The following SMC6 variants were observed in gnomAD, a reference collection of about 807,000 sequenced individuals.
SMC6 encodes the protein structural maintenance of chromosomes protein 6.
A neutral mutation model predicts 142.2 loss-of-function variants in SMC6; 79 were observed. That is an observed-to-expected ratio of 0.56 (90% CI 0.46 to 0.67). The LOEUF (loss-of-function observed/expected upper bound fraction) is 0.67, where lower values mean the gene tolerates loss of function less well. SMC6 is among the 30% of genes least tolerant of loss of function. The probability of loss-of-function intolerance (pLI) is 0.00; values close to 1 mark genes in which losing one functional copy is unlikely to be tolerated. For synonymous variants in SMC6, 411 were observed against 412.4 expected, an observed-to-expected ratio of 1.00 and a Z score of 0.04; for missense variants, 1,072 against 1,284.0, an observed-to-expected ratio of 0.83 and a Z score of 2.52.
chr2:17,733,407 A>G (rs1223258322), intron 5 of SMC6, among the ~76,000 whole-genome samples: 1 of 152,244 alleles, frequency 6.6e-6, no homozygotes, highest in Non-Finnish European at 1.5e-5. Context: ...TAAAAAATCA[A>G]ACTAAGAAAA....
chr2:17,665,968 G>C (rs1385759925), intron 27 of SMC6, among the ~76,000 whole-genome samples: 2 of 152,166 alleles, frequency 1.3e-5, no homozygotes, highest in Admixed American at 6.5e-5. Flanking sequence ...CCACTTTAGA[G>C]ACAGAATATT....
At chr2:17,706,848 G>C (rs146561833) in intron 18 of SMC6, among the ~76,000 whole-genome samples, 5 of 152,268 alleles carry the variant, frequency 3.3e-5, no homozygotes, top group African/African-American at 9.6e-5. Flanking sequence ...GCTTGAGCCA[G>C]AATGTAAACC....
rs142590630 is a variant in SMC6 at position 17,731,123 on chromosome 2, C to T, written c.498G>A (p.Thr166=). 12 of 1,612,016 alleles carry T rather than the reference C, an allele frequency of 7.4e-6. No homozygotes were observed. Among genetic ancestry groups the T allele is most frequent in the East Asian group, 6.7e-5 (3 of 44,794 alleles). ...GAATTGCAATCAGCTCTTCTTTCCTCGTGGAAACCACGGAGCCTAGTTATA... is the reference window on the plus strand; with the variant it reads ...GAATTGCAATCAGCTCTTCTTTCCTTGTGGAAACCACGGAGCCTAGTTATA... ...LKSATGSVVS[T]RKEELIAILD... is the part of the protein sequence containing the mutation. The change falls in exon 7 of 28, where the codon ACG becomes ACA. Residue 166 remains threonine, a synonymous_variant. Coordinates refer to ENST00000448223, the MANE Select transcript of SMC6 (RefSeq NM_001142286.2).
chr2:17,719,794 C>T (rs751291403), intron 11 of SMC6, among the ~76,000 whole-genome samples: 4 of 152,232 alleles, frequency 2.6e-5, no homozygotes, highest in Admixed American at 6.5e-5. Flanking sequence ...GCTAAGTGTC[C>T]TATCTTTACC....
In SMC6 at chr2:17,716,886, G is replaced by A. The variant is rs1669114766; in HGVS notation, c.1201C>T (p.Pro401Ser). The A allele has an allele frequency of 2.5e-6, 4 of 1,609,762 alleles. No homozygotes were observed. Among genetic ancestry groups the A allele is most frequent in the Non-Finnish European group, 3.4e-6 (4 of 1,178,894 alleles). Residue 401 changes from proline (P) to serine (S), a missense_variant, in exon 14 of 28, where the codon CCT becomes TCT. Around this residue, in one of 3 missense-constraint regions of SMC6, gnomAD observed 994 missense variants for 1,153.2 expected, o/e 0.86. Transcript: ENST00000448223. Reference sequence around the variant, plus strand: ...TTTTTTTGTCTTTCCAACCGTTCAGGTTCCAAAGATTGGTCAGTACTAACA... The same window carrying A: ...TTTTTTTGTCTTTCCAACCGTTCAGATTCCAAAGATTGGTCAGTACTAACA... ...LKKSTDQSLE[P>S]ERLERQKKIS...
intron 17 of SMC6, 41 bp downstream of exon 17, chr2:17,708,598 T>A (rs1572302647): frequency 9.1e-7 from 1 of 1,096,736 alleles, no homozygotes; most frequent in Non-Finnish European, 1.2e-6. Flanking sequence ...TTTAAAAATT[T>A]AACAATAACA....
chr2:17,714,401 A>G, intron 16 of SMC6, among the ~76,000 whole-genome samples: 1 of 151,978 alleles, frequency 6.6e-6, no homozygotes, highest in East Asian at 1.9e-4. Flanking sequence ...GCCTACATTC[A>G]TTTTTAAAGT....
intron 5 of SMC6, among the ~76,000 whole-genome samples, chr2:17,735,935 C>A (rs1290405060): frequency 6.6e-6 from 1 of 152,122 alleles, no homozygotes; most frequent in African/African-American, 2.4e-5. Flanking sequence ...GGGATAGAGT[C>A]CTTAGAACTA....
Position 17,716,241 on chromosome 2 carries a change from T to A in SMC6, c.1370A>T (p.His457Leu), listed in dbSNP as rs560144562. 4 of 1,609,658 alleles carry A rather than the reference T, an allele frequency of 2.5e-6. No individual in the cohort carries two copies. Among genetic ancestry groups the A allele is most frequent in the Non-Finnish European group, 3.4e-6 (4 of 1,178,814 alleles). Residue 457 changes from histidine (H) to leucine (L), a missense_variant, in exon 15 of 28, where the codon CAT becomes CTT. By Grantham distance (99) the His-to-Leu change is moderately conservative. This residue lies in a region of SMC6 where 994 missense variants were observed against 1,153.2 expected (regional missense o/e 0.86). Coordinates refer to ENST00000448223, the MANE Select transcript of SMC6 (RefSeq NM_001142286.2). ...KIKREELDVK[H>L]ALSYNQRQLK... ...TTGCCTCTGATTGTAGCTCAGTGCA[T>A]GCTTCACATCTAATTCTTCTCTCCT... is the stretch of plus-strand genomic sequence containing the variant.
chr2:17,689,494 T>C (rs1200412230), intron 23 of SMC6, among the ~76,000 whole-genome samples: 1 of 152,210 alleles, frequency 6.6e-6, no homozygotes, highest in Non-Finnish European at 1.5e-5. Flanking sequence ...TAAAGGGTCA[T>C]GATTTATGAA....
chr2:17,748,872 C>T lies in SMC6; in HGVS notation c.-5-2921G>A, dbSNP rs1346692469. Among the ~76,000 whole-genome samples, 5 of 152,296 alleles carry T rather than the reference C, an allele frequency of 3.3e-5. No individual in the cohort carries two copies. The South Asian group carries it at 8.3e-4, about 25-fold the overall frequency. ...ATAACGCACTAGGGAAAATGTGATA[C>T]GCTTCTCACAAGGAATGTGAGATTC... On this transcript the variant is annotated intron_variant, in intron 2 of 27. Transcript: ENST00000448223.
intron 23 of SMC6, among the ~76,000 whole-genome samples, chr2:17,686,157 A>G (rs534836544): frequency 3.9e-4 from 59 of 152,254 alleles, no homozygotes; most frequent in Non-Finnish European, 4.4e-4. Flanking sequence ...CCTTTCTCAT[A>G]CAGGTTGAGC....
chr2:17,666,328 T>C (rs1666495352), intron 27 of SMC6, 92 bp downstream of exon 27: 4 of 872,864 alleles, frequency 4.6e-6, no homozygotes, highest in Non-Finnish European at 7.2e-6. Flanking sequence ...ATTGGTCTTG[T>C]ATGTATTTGT....
Position 17,728,226 on chromosome 2 carries a change from A to G in SMC6, c.544-1757T>C, listed in dbSNP as rs567132922. On this transcript the variant is annotated intron_variant, in intron 7 of 27. Coordinates refer to ENST00000448223, the MANE Select transcript of SMC6 (RefSeq NM_001142286.2). Reference sequence around the variant, plus strand: ...TGAGGCAGGTGGACTGCTTGAGTCCAGGAGTTCAAGACCAGCCTAGGCAAC... The same window carrying G: ...TGAGGCAGGTGGACTGCTTGAGTCCGGGAGTTCAAGACCAGCCTAGGCAAC... Among the ~76,000 whole-genome samples, 7 of 152,286 alleles carry G rather than the reference A, an allele frequency of 4.6e-5. No homozygotes were observed. In the East Asian group the frequency reaches 1.2e-3, roughly 25 times the overall value.
chr2:17,725,109 A>T, intron 9 of SMC6, 148 bp downstream of exon 9: 1 of 571,674 alleles, frequency 1.7e-6, no homozygotes, highest in African/African-American at 1.9e-5. Context: ...CGGAATATAA[A>T]CACTACATTG....
chr2:17,708,541 A>G, intron 17 of SMC6, 98 bp downstream of exon 17: 1 of 495,598 alleles, frequency 2.0e-6, no homozygotes. Context: ...ACACATCAGC[A>G]ACTCTATGAT....
chr2:17,717,343 T>C (rs181660149), intron 12 of SMC6, among the ~76,000 whole-genome samples, 167 bp from the exon 13 acceptor site: 1 of 152,286 alleles, frequency 6.6e-6, no homozygotes, highest in East Asian at 1.9e-4. Context: ...TCTCAAAGCA[T>C]CACTAATTTC....
chr2:17,751,447 G>A (rs1671030818), intron 2 of SMC6, among the ~76,000 whole-genome samples: 2 of 130,740 alleles, frequency 1.5e-5, no homozygotes, highest in African/African-American at 5.9e-5. Flanking sequence ...TCGGCGACAA[G>A]AGTAAAACTC....
chr2:17,735,690 G>C (rs544883404), intron 5 of SMC6, among the ~76,000 whole-genome samples: 1 of 152,330 alleles, frequency 6.6e-6, no homozygotes, highest in Admixed American at 6.5e-5. Flanking sequence ...CACTGAGAAA[G>C]GTTTTCATGT....
Sources: allele counts gnomAD v4.1 joint callset (sites outside exome capture counted in the v4.1 genomes callset), GRCh38; gene constraint gnomAD v4.1.1; regional missense constraint gnomAD v4.1.1; transcripts MANE v1.5; gene names NCBI Gene and HGNC (gene_info 2026-07-23, HGNC 2026-07-21).